MGA: variants seen among roughly 807,000 people sequenced by gnomAD.
MGA encodes MAX dimerization protein MGA, also known as MAX gene-associated protein.
A neutral mutation model predicts 261.1 loss-of-function variants in MGA; 40 were observed. That is an observed-to-expected ratio of 0.15 (90% CI 0.12 to 0.20). The LOEUF (loss-of-function observed/expected upper bound fraction) is 0.20, where lower values mean the gene tolerates loss of function less well. MGA is among the 10% of genes least tolerant of loss of function. MGA has a pLI of 1.00. For synonymous variants in MGA, 1,302 were observed against 1,290.6 expected (o/e 1.01, Z -0.19); for missense variants, 3,397 against 3,630.5 (o/e 0.94, Z 1.65).
chr15:41,721,292 A>G (rs1199218538), intron 9 of MGA, among the ~76,000 whole-genome samples: 3 of 152,020 alleles, frequency 2.0e-5, no homozygotes, highest in Admixed American at 6.6e-5. Flanking sequence ...ACATGGTGAA[A>G]CCCCATCTCT....
At chr15:41,689,379 C>T (rs1173441688) in intron 2 of MGA, among the ~76,000 whole-genome samples, 1 of 149,300 alleles carries the variant, frequency 6.7e-6, no homozygotes, top group Non-Finnish European at 1.5e-5. Flanking sequence ...TCCCTTTCTC[C>T]TTCTCTCCTT....
chr15:41,633,554 A>T (rs1302199357), intron 1 of MGA, among the ~76,000 whole-genome samples: 1 of 151,822 alleles, frequency 6.6e-6, no homozygotes, highest in Non-Finnish European at 1.5e-5. Context: ...AAGAAATCAA[A>T]ATCTGAATTG....
Position 41,757,803 on chromosome 15 carries a change from C to T in MGA, c.7155C>T (p.Ile2385=), listed in dbSNP as rs770560050. 17 of 1,610,500 alleles carry T rather than the reference C, an allele frequency of 1.1e-5. No individual in the cohort carries two copies. Among genetic ancestry groups the T allele is most frequent in the Non-Finnish European group, 1.4e-5 (16 of 1,177,282 alleles). ...CTTTATCCAGGTCCTGTACTCACAT[C>T]TCTGCAGATGAAAAAGCAGCTGAAA... The change falls in exon 19 of 24, where the codon ATC becomes ATT. Residue 2385 remains isoleucine, a synonymous_variant. Coordinates refer to ENST00000219905, the MANE Select transcript of MGA (RefSeq NM_001164273.2).
In MGA at chr15:41,766,707, C is replaced by A; in HGVS notation, c.8625C>A (p.Phe2875Leu). 1 of 1,613,962 alleles carries A rather than the reference C, an allele frequency of 6.2e-7. No individual in the cohort carries two copies. The highest frequency in any genetic ancestry group is 8.5e-7 in the Non-Finnish European group (1 of 1,179,882). Residue 2875 changes from phenylalanine (F) to leucine (L), a missense_variant, in exon 24 of 24, where the codon TTC becomes TTA. Phe to Leu is a conservative substitution (Grantham distance 22). Around this residue, in one of 9 missense-constraint regions of MGA, gnomAD observed 647 missense variants for 642.4 expected, o/e 1.01. Coordinates refer to ENST00000219905, the MANE Select transcript of MGA (RefSeq NM_001164273.2). ...TTCCTCCTGGAAGCAGAGCAACTTT[C>A]CAGGTTGAGCACTTGGGAACTGGTT...
At position 41,693,379 on chromosome 15, in the gene MGA, A is replaced by G. The variant is rs183145581; in HGVS notation, c.1065-2696A>G. 3.4e-3 allele frequency among the ~76,000 whole-genome samples: 474 copies of G among 139,086 alleles called. 1 individual carries two copies. Among genetic ancestry groups the G allele is most frequent in the African/African-American group, 0.012 (444 of 36,798 alleles). The allele number at this position is 139,086 out of a possible 152,430, so 91.2% of individuals were successfully genotyped here. A position where few individuals can be genotyped will look rare whatever the true frequency, so the allele number is the denominator to read the frequency against. ...TGTGTCCATGCGTTCTCATTGTTCA[A>G]TTCCCACCTATGAGTGAGAATATGC... On this transcript the variant is annotated intron_variant, in intron 2 of 23. Coordinates refer to ENST00000219905, the MANE Select transcript of MGA (RefSeq NM_001164273.2).
intron 23 of MGA, 39 bp downstream of exon 23, chr15:41,765,101 G>A (rs2063731255): frequency 6.2e-7 from 1 of 1,600,654 alleles, no homozygotes; most frequent in Non-Finnish European, 8.6e-7. Context: ...AAGTGATAAA[G>A]TTATCCCTAA....
chr15:41,763,303 G>A (rs1334342814), intron 22 of MGA, among the ~76,000 whole-genome samples: 11 of 150,562 alleles, frequency 7.3e-5, no homozygotes, highest in Non-Finnish European at 1.2e-4. Context: ...GGGTTTCACC[G>A]TGTTAGCCAG....
intron 13 of MGA, among the ~76,000 whole-genome samples, chr15:41,737,526 TTTTTC>T (rs2061852964): frequency 6.6e-6 from 1 of 152,176 alleles, no homozygotes; most frequent in South Asian, 2.1e-4. Flanking sequence ...TTAATTATAT[TTTTTC>T]TTTATTTGAT....
At chr15:41,743,575 A>G (rs376181116) in intron 15 of MGA, among the ~76,000 whole-genome samples, 1 of 152,232 alleles carries the variant, frequency 6.6e-6, no homozygotes, top group Non-Finnish European at 1.5e-5. Context: ...GCTCTGAGCC[A>G]CTAACATGGG....
At chr15:41,682,041 C>T (rs547664464) in intron 2 of MGA, among the ~76,000 whole-genome samples, 46 of 152,098 alleles carry the variant, frequency 3.0e-4, no homozygotes, top group South Asian at 1.0e-3. Context: ...CCTCAGCCTC[C>T]GGAGTAGCTG....
chr15:41,715,857 T>C (rs2060606418), intron 9 of MGA, among the ~76,000 whole-genome samples: 2 of 151,568 alleles, frequency 1.3e-5, no homozygotes, highest in East Asian at 1.9e-4. Flanking sequence ...GTTCTACCCA[T>C]ATCTCCTTAC....
chr15:41,681,871 A>C (rs2058698417), intron 2 of MGA, among the ~76,000 whole-genome samples: 1 of 152,076 alleles, frequency 6.6e-6, no homozygotes, highest in Non-Finnish European at 1.5e-5. Flanking sequence ...CTTTTTTAAA[A>C]AATATATTTG....
At chr15:41,656,552 G>C (rs140253120), upstream of MGA, among the ~76,000 whole-genome samples, 86 of 151,548 alleles carry the variant, frequency 5.7e-4, 1 homozygote, top group African/African-American at 2.0e-3. Context: ...TAGAGACAGG[G>C]TCTTGCCATG....
rs1567121888 is a variant in MGA, at chr15:41,768,320, A to G, written c.*1040A>G. ...ATTTTTTATCTGCAACCATGGATCCAATGATCTGTAGAGCTTTTTCACTCA... is the reference window on the plus strand; with the variant it reads ...ATTTTTTATCTGCAACCATGGATCCGATGATCTGTAGAGCTTTTTCACTCA... On this transcript the variant is annotated 3_prime_UTR_variant, in exon 24 of 24. Transcript: ENST00000219905. 2.0e-5 allele frequency: 3 copies of G among 152,678 alleles called. No homozygotes were observed. The highest frequency in any genetic ancestry group is 6.5e-5 in the Admixed American group (1 of 15,290). The allele number at this position is 152,678 out of a possible 1,614,324, so 9.5% of individuals were successfully genotyped here.
chr15:41,753,087 T>C (rs75199729), intron 17 of MGA, among the ~76,000 whole-genome samples: 2,119 of 152,276 alleles, frequency 0.014, 56 homozygotes, highest in African/African-American at 0.048. Flanking sequence ...AAATCTTCCT[T>C]GTGGAAGTTA....
chr15:41,729,019 C>A, intron 10 of MGA, 145 bp from the exon 11 acceptor site: 1 of 785,504 alleles, frequency 1.3e-6, no homozygotes. Context: ...CACATATGAA[C>A]TGTACTTGTG....
At chr15:41,737,432 G>A (rs2061847547) in intron 13 of MGA, among the ~76,000 whole-genome samples, 1 of 151,884 alleles carries the variant, frequency 6.6e-6, no homozygotes, top group South Asian at 2.1e-4. Context: ...TAGGATTACA[G>A]GGGTGAGCCA....
At chr15:41,735,732 CA>C (rs879872384) in intron 12 of MGA, among the ~76,000 whole-genome samples, 5,916 of 127,512 alleles carry the variant, frequency 0.046, 366 homozygotes, top group African/African-American at 0.15. Flanking sequence ...GACTCCGTCT[CA>C]AAAAAAAAAA....
chr15:41,682,512 G>A (rs2058736977), intron 2 of MGA, among the ~76,000 whole-genome samples: 1 of 151,378 alleles, frequency 6.6e-6, no homozygotes, highest in African/African-American at 2.4e-5. Flanking sequence ...ATGGAATCTC[G>A]CTCTGTCACC....
Sources: gnomAD v4.1 joint callset for allele counts (sites outside exome capture counted in the v4.1 genomes callset) on GRCh38, gnomAD v4.1.1 for gene constraint, gnomAD v4.1.1 regional missense constraint, MANE v1.5 for transcripts, NCBI Gene and HGNC (gene_info 2026-07-23, HGNC 2026-07-21) for gene names.